UNC13C: variants seen among roughly 807,000 people sequenced by gnomAD.
UNC13C encodes the protein protein unc-13 homolog C.
A neutral mutation model predicts 245.4 loss-of-function variants in UNC13C; 174 were observed. That is an observed-to-expected ratio of 0.71 (90% CI 0.63 to 0.80). The LOEUF is 0.80. Ranked by LOEUF, UNC13C falls within the 30% of genes least tolerant of loss-of-function variation. UNC13C has a pLI of 0.00. For synonymous variants in UNC13C, 992 were observed against 895.1 expected, an observed-to-expected ratio of 1.11 and a Z score of -1.93; for missense variants, 2,829 against 2,602.9, an observed-to-expected ratio of 1.09 and a Z score of -1.89.
At chr15:54,123,946 A>G (rs957987132) in intron 2 of UNC13C, among the ~76,000 whole-genome samples, 4 of 152,198 alleles carry the variant, frequency 2.6e-5, no homozygotes, top group Non-Finnish European at 4.4e-5. Flanking sequence ...ATGAAATTAT[A>G]GAACTTCTGA....
At chr15:54,194,077 G>A (rs1190647027) in intron 4 of UNC13C, among the ~76,000 whole-genome samples, 2 of 152,122 alleles carry the variant, frequency 1.3e-5, no homozygotes, top group South Asian at 4.1e-4. Flanking sequence ...AGGGCCAAGT[G>A]GGCCTTCATA....
At chr15:54,181,395 G>A (rs1403239800) in intron 4 of UNC13C, among the ~76,000 whole-genome samples, 1 of 151,956 alleles carries the variant, frequency 6.6e-6, no homozygotes, top group Non-Finnish European at 1.5e-5. Flanking sequence ...TGCTTTGGTA[G>A]TTGTGGCTTT....
intron 4 of UNC13C, among the ~76,000 whole-genome samples, chr15:54,226,674 A>G (rs1039770332): frequency 2.6e-5 from 4 of 152,206 alleles, no homozygotes; most frequent in Admixed American, 6.5e-5. Flanking sequence ...GGGTCCAGCC[A>G]CGGTGTAAAA....
At chr15:53,998,786 T>C (rs946278860) in intron 1 of UNC13C, among the ~76,000 whole-genome samples, 15 of 152,118 alleles carry the variant, frequency 9.9e-5, no homozygotes, top group African/African-American at 3.4e-4. Context: ...TCTATTTTGC[T>C]AAGAAATGTT....
chr15:54,541,858 T>A (rs1896261015), intron 26 of UNC13C, among the ~76,000 whole-genome samples: 1 of 152,130 alleles, frequency 6.6e-6, no homozygotes, highest in African/African-American at 2.4e-5. Flanking sequence ...TGATTGAAAT[T>A]ATATACACCT....
Position 54,013,933 on chromosome 15 carries a change from G to T in UNC13C, c.1030G>T (p.Asp344Tyr). The change falls in exon 2 of 33, where the codon GAT becomes TAT. Residue 344 changes from aspartate (D) to tyrosine (Y), a missense_variant. By Grantham distance (160) the Asp-to-Tyr change is radical. Transcript: ENST00000260323. ...VESVVYQILI[D>Y]KMGFSDAPNA... ...AAGCGTGGTGTACCAAATTCTAATA[G>T]ATAAAATGGGTTTTTCAGATGCACC... The T allele has an allele frequency of 1.2e-6, 2 of 1,613,360 alleles. No individual in the cohort carries two copies. The highest frequency in any genetic ancestry group is 1.7e-6 in the Non-Finnish European group (2 of 1,179,708).
At chr15:54,333,658 G>T (rs1391237834) in intron 15 of UNC13C, 109 bp from the exon 16 acceptor site, 1 of 651,200 alleles carries the variant, frequency 1.5e-6, no homozygotes, top group Non-Finnish European at 2.7e-6. Context: ...TTTTAAAATT[G>T]TATACAGTTT....
intron 19 of UNC13C, among the ~76,000 whole-genome samples, chr15:54,469,928 C>A (rs780413400): frequency 2.6e-5 from 4 of 151,450 alleles, no homozygotes; most frequent in East Asian, 1.9e-4. Context: ...GAGGAATATT[C>A]CTTCTAAAAC....
intron 4 of UNC13C, among the ~76,000 whole-genome samples, chr15:54,167,176 AT>A (rs1314938398): frequency 6.6e-6 from 1 of 152,132 alleles, no homozygotes; most frequent in African/African-American, 2.4e-5. Context: ...TGGGCATTTG[AT>A]TTTTGACATA....
At chr15:54,487,527 G>A (rs1217862197) in intron 19 of UNC13C, among the ~76,000 whole-genome samples, 1 of 152,010 alleles carries the variant, frequency 6.6e-6, no homozygotes, top group Admixed American at 6.5e-5. Flanking sequence ...AGCACTGTGG[G>A]AGGCTAAGGC....
At chr15:54,308,358 T>C (rs2037779819) in intron 13 of UNC13C, among the ~76,000 whole-genome samples, 1 of 151,924 alleles carries the variant, frequency 6.6e-6, no homozygotes, top group Non-Finnish European at 1.5e-5. Context: ...TATCTCATTA[T>C]TTGCTTTTTA....
At chr15:54,028,684 CTTTTTTT>C (rs58264883) in intron 2 of UNC13C, among the ~76,000 whole-genome samples, 1 of 87,082 alleles carries the variant, frequency 1.1e-5, no homozygotes. Flanking sequence ...GCCTACAAGT[CTTTTTTT>C]TTTTTTTTTT....
chr15:54,494,028 C>G (rs1443875207), intron 19 of UNC13C, among the ~76,000 whole-genome samples: 1 of 152,024 alleles, frequency 6.6e-6, no homozygotes, highest in Non-Finnish European at 1.5e-5. Flanking sequence ...GATATTTTCT[C>G]TCCTTTTCAA....
the UNC13C span, among the ~76,000 whole-genome samples, chr15:53,889,674 A>T: frequency 1.3e-5 from 2 of 152,362 alleles, no homozygotes; most frequent in East Asian, 3.9e-4. Context: ...ATTCAGTATG[A>T]TAACGGCTGT....
chr15:54,018,993 C>G (rs1422638220), intron 2 of UNC13C, among the ~76,000 whole-genome samples: 1 of 152,172 alleles, frequency 6.6e-6, no homozygotes, highest in Non-Finnish European at 1.5e-5. Context: ...AAGACTATGA[C>G]TTTATCTCCT....
chr15:53,943,253 C>A, the UNC13C span, among the ~76,000 whole-genome samples: 2 of 152,120 alleles, frequency 1.3e-5, no homozygotes, highest in Admixed American at 1.3e-4. Flanking sequence ...TCTGAACATG[C>A]AATTCTATTT....
In UNC13C at chr15:54,014,005, G is replaced by A; in HGVS notation, c.1102G>A (p.Asp368Asn). ...EFAQRIGHQR[D>N]CPNAKPRPIL... ...TGCTCAGAGGATAGGACACCAGAGA[G>A]ACTGCCCAAATGCAAAGCCTCGACC... The change falls in exon 2 of 33, where the codon GAC becomes AAC. Residue 368 changes from aspartate (D) to asparagine (N), a missense_variant. Coordinates refer to ENST00000260323, the MANE Select transcript of UNC13C (RefSeq NM_001080534.3). 6.2e-7 allele frequency: 1 copy of A among 1,613,790 alleles called. No homozygotes were observed. Among genetic ancestry groups the A allele is most frequent in the Non-Finnish European group, 8.5e-7 (1 of 1,179,842 alleles).
chr15:54,109,263 TCCCTCTCCTCCCCTC>T (rs1900625744), intron 2 of UNC13C, among the ~76,000 whole-genome samples: 2 of 126,688 alleles, frequency 1.6e-5, no homozygotes, highest in Non-Finnish European at 1.7e-5. Flanking sequence ...TCCTTTCCTT[TCCCTCTCCTCCCCTC>T]CCCTCCCCTC....
At chr15:54,618,858 ATAACTTACGGAAAAAGT>A (rs1900618955) in intron 30 of UNC13C, among the ~76,000 whole-genome samples, 1 of 152,174 alleles carries the variant, frequency 6.6e-6, no homozygotes, top group South Asian at 2.1e-4. Context: ...AGTAATCTGG[ATAACTTACGGAAAAAGT>A]TAAAATTCCA....
Sources: allele counts gnomAD v4.1 joint callset (sites outside exome capture counted in the v4.1 genomes callset), GRCh38; gene constraint gnomAD v4.1.1; transcripts MANE v1.5; gene names NCBI Gene and HGNC (gene_info 2026-07-23, HGNC 2026-07-21).